SULT4A1: variants seen among roughly 807,000 people sequenced by gnomAD.
SULT4A1 encodes sulfotransferase 4A1.
Under a neutral mutation model 35.2 loss-of-function variants are expected in SULT4A1, and 11 were observed. The observed-to-expected ratio is 0.31, with a 90% confidence interval of 0.20 to 0.52. The LOEUF (loss-of-function observed/expected upper bound fraction) is 0.52, where lower values mean the gene tolerates loss of function less well. Among genes scored for constraint, SULT4A1 ranks in the 20% least tolerant of loss-of-function variants. SULT4A1 has a pLI of 0.97. For missense variants in SULT4A1, 271 were observed against 383.7 expected, an observed-to-expected ratio of 0.71 and a Z score of 2.45; for synonymous variants, 152 against 151.8, an observed-to-expected ratio of 1.00 and a Z score of -0.01.
At chr22:43,840,343 G>A (rs991217131) in intron 2 of SULT4A1, among the ~76,000 whole-genome samples, 40 of 152,178 alleles carry the variant, frequency 2.6e-4, no homozygotes, top group African/African-American at 9.2e-4. Flanking sequence ...AGAGCAAGAG[G>A]AGGCAAGGCT....
chr22:43,841,784 G>A lies in SULT4A1; in HGVS notation c.300+18C>T, dbSNP rs749799905. ...ACCCTAAAGAGGTGCTGGGACAGGT[G>A]CTGCTGGCCCTGGGTACCTTGATGA... On this transcript the variant is annotated intron_variant, in intron 2 of 6. Transcript: ENST00000330884. The A allele has an allele frequency of 1.9e-6, 3 of 1,609,698 alleles. No homozygotes were observed. The highest frequency in any genetic ancestry group is 2.5e-6 in the Non-Finnish European group (3 of 1,176,504).
intron 1 of SULT4A1, among the ~76,000 whole-genome samples, chr22:43,845,150 T>G (rs945505687): frequency 6.6e-6 from 1 of 152,174 alleles, no homozygotes; most frequent in African/African-American, 2.4e-5. Flanking sequence ...CTTAACCCAC[T>G]GTGGTCCCTT....
chr22:43,831,649 G>A (rs1017376804), intron 5 of SULT4A1, among the ~76,000 whole-genome samples: 9 of 152,248 alleles, frequency 5.9e-5, no homozygotes, highest in Non-Finnish European at 1.0e-4. Flanking sequence ...ACAGAGCTCC[G>A]CGCCACGCAG....
Position 43,825,963 on chromosome 22 carries a change from T to A in SULT4A1, c.*38A>T. ...TACAGGACTTTTGGCTAGTAGACTG[T>A]CTGGGTATTGTGAGCATGCAGGTTG... On this transcript the variant is annotated 3_prime_UTR_variant, in exon 7 of 7. Transcript: ENST00000330884. 1 of 1,594,342 alleles carries A rather than the reference T, an allele frequency of 6.3e-7. No individual in the cohort carries two copies. The highest frequency in any genetic ancestry group is 2.2e-5 in the East Asian group (1 of 44,772).
chr22:43,853,277 G>A (rs181199963), intron 1 of SULT4A1, among the ~76,000 whole-genome samples: 23 of 152,274 alleles, frequency 1.5e-4, no homozygotes, highest in Non-Finnish European at 2.4e-4. Flanking sequence ...ACTCACTTGC[G>A]GGCTAAATCT....
chr22:43,841,088 C>T (rs953622716), intron 2 of SULT4A1, among the ~76,000 whole-genome samples: 3 of 152,226 alleles, frequency 2.0e-5, no homozygotes, highest in Admixed American at 6.5e-5. Flanking sequence ...CGGTGGCCCT[C>T]GGCACGGCAG....
chr22:43,838,648 G>A (rs2063397077), intron 4 of SULT4A1, among the ~76,000 whole-genome samples: 1 of 152,238 alleles, frequency 6.6e-6, no homozygotes, highest in Non-Finnish European at 1.5e-5. Flanking sequence ...AGGGCTCTGG[G>A]TTCAGATGGA....
intron 1 of SULT4A1, among the ~76,000 whole-genome samples, chr22:43,843,346 C>A (rs1355647403): frequency 6.6e-6 from 1 of 152,214 alleles, no homozygotes; most frequent in Non-Finnish European, 1.5e-5. Context: ...CGCTTGAACC[C>A]AGGAGGTAGA....
At chr22:43,848,510 C>G (rs936227677) in intron 1 of SULT4A1, among the ~76,000 whole-genome samples, 2 of 152,228 alleles carry the variant, frequency 1.3e-5, no homozygotes, top group Non-Finnish European at 2.9e-5. Context: ...CCTCCACTAG[C>G]CTCGAGCAGG....
intron 1 of SULT4A1, among the ~76,000 whole-genome samples, chr22:43,846,888 C>T (rs2063480189): frequency 6.6e-6 from 1 of 152,200 alleles, no homozygotes; most frequent in Non-Finnish European, 1.5e-5. Context: ...ACCTATTTTT[C>T]ACGTTCCCCA....
At chr22:43,843,138 G>A (rs757624631) in intron 1 of SULT4A1, among the ~76,000 whole-genome samples, 4 of 152,086 alleles carry the variant, frequency 2.6e-5, no homozygotes, top group Non-Finnish European at 5.9e-5. Context: ...CTCTGGGCTG[G>A]GCACAGTTAC....
rs1005227791 is a variant in SULT4A1, at chr22:43,827,731, C to T, written c.742+1329G>A. 3.9e-5 allele frequency: 35 copies of T among 894,552 alleles called. 1 individual carries two copies. In the South Asian group the frequency reaches 4.3e-4, roughly 11 times the overall value. The allele number at this position is 894,552 out of a possible 1,614,324, so 55.4% of individuals were successfully genotyped here. On this transcript the variant is annotated intron_variant, in intron 6 of 6. Transcript: ENST00000330884. ...CCAAGGGAAGGAGCATATGGGCACA[C>T]AGTATGTTCTCGACGCTGCTTCACC...
At chr22:43,845,353 G>C (rs2063467472) in intron 1 of SULT4A1, among the ~76,000 whole-genome samples, 2 of 152,136 alleles carry the variant, frequency 1.3e-5, no homozygotes, top group Admixed American at 1.3e-4. Context: ...GTGGGACCCA[G>C]CCAGCTCTGG....
At chr22:43,831,752 C>T (rs555121502) in intron 5 of SULT4A1, among the ~76,000 whole-genome samples, 1 of 152,366 alleles carries the variant, frequency 6.6e-6, no homozygotes, top group Admixed American at 6.5e-5. Flanking sequence ...CGCCAAGCTC[C>T]GGTGAGGGAG....
At chr22:43,856,102 C>A (rs2049398685) in intron 1 of SULT4A1, among the ~76,000 whole-genome samples, 1 of 152,216 alleles carries the variant, frequency 6.6e-6, no homozygotes, top group African/African-American at 2.4e-5. Context: ...GCCAGGTGCT[C>A]AGGAGAAAGA....
intron 1 of SULT4A1, among the ~76,000 whole-genome samples, chr22:43,845,843 G>A (rs971250218): frequency 6.6e-6 from 1 of 152,160 alleles, no homozygotes; most frequent in Non-Finnish European, 1.5e-5. Context: ...GTCCTCATGA[G>A]AATCTAACTA....
intron 4 of SULT4A1, among the ~76,000 whole-genome samples, chr22:43,835,643 G>A (rs1321672244): frequency 6.6e-6 from 1 of 152,170 alleles, no homozygotes; most frequent in East Asian, 1.9e-4. Flanking sequence ...CCCATCATCG[G>A]TAGCTAAGTC....
chr22:43,853,322 A>G (rs1214116401), intron 1 of SULT4A1, among the ~76,000 whole-genome samples: 1 of 152,220 alleles, frequency 6.6e-6, no homozygotes, highest in Non-Finnish European at 1.5e-5. Flanking sequence ...AGCAAGGGTG[A>G]AACAGATGGG....
intron 5 of SULT4A1, 63 bp from the exon 6 acceptor site, chr22:43,829,261 C>A: frequency 6.9e-7 from 1 of 1,452,736 alleles, no homozygotes; most frequent in Non-Finnish European, 9.1e-7. Context: ...CTGGACACGA[C>A]CCCAGGCTGG....
Sources: gnomAD v4.1 joint callset for allele counts (sites outside exome capture counted in the v4.1 genomes callset) on GRCh38, gnomAD v4.1.1 for gene constraint, MANE v1.5 for transcripts, NCBI Gene and HGNC (gene_info 2026-07-23, HGNC 2026-07-21) for gene names.